Variants in SNRPD1 observed in about 807,000 individuals in gnomAD.
The protein encoded by SNRPD1 is small nuclear ribonucleoprotein Sm D1.
Under a neutral mutation model 14.4 loss-of-function variants are expected in SNRPD1, and 1 was observed. That is an observed-to-expected ratio of 0.07 (90% CI 0.02 to 0.33). The LOEUF (loss-of-function observed/expected upper bound fraction) is 0.33, where lower values mean the gene tolerates loss of function less well. Among genes scored for constraint, SNRPD1 ranks in the 10% least tolerant of loss-of-function variants. SNRPD1 has a pLI of 1.00. For synonymous variants in SNRPD1, 42 were observed against 50.3 expected (o/e 0.83, Z 0.70); for missense variants, 52 against 146.4 (o/e 0.36, Z 3.33).
At chr18:21,619,845 C>G (rs545194124) in intron 1 of SNRPD1, among the ~76,000 whole-genome samples, 1 of 152,302 alleles carries the variant, frequency 6.6e-6, no homozygotes, top group East Asian at 1.9e-4. Flanking sequence ...AGGGCAGTGA[C>G]ACAGTCATGG....
intron 3 of SNRPD1, among the ~76,000 whole-genome samples, chr18:21,627,204 GAT>G (rs1568126263): frequency 6.6e-6 from 1 of 152,020 alleles, no homozygotes; most frequent in African/African-American, 2.4e-5. Context: ...GAGAGGCGGA[GAT>G]TGCAGTGAGC....
Position 21,632,109 on chromosome 18 carries a change from G to C in SNRPD1, c.*2971G>C, listed in dbSNP as rs1420641136. Reference sequence around the variant, plus strand: ...GCAAGCAGCCTGGGTAACCTAGTGAGACCTGGCTCTTAAATTTAAAATTTA... The same window carrying C: ...GCAAGCAGCCTGGGTAACCTAGTGACACCTGGCTCTTAAATTTAAAATTTA... On this transcript the variant is annotated 3_prime_UTR_variant, in exon 4 of 4. Coordinates refer to ENST00000300413, the MANE Select transcript of SNRPD1 (RefSeq NM_006938.4). The C allele has an allele frequency of 6.6e-6, 1 of 152,076 alleles. No individual in the cohort carries two copies. Among genetic ancestry groups the C allele is most frequent in the African/African-American group, 2.4e-5 (1 of 41,410 alleles). The allele number at this position is 152,076 out of a possible 1,614,324, so 9.4% of individuals were successfully genotyped here.
intron 1 of SNRPD1, among the ~76,000 whole-genome samples, chr18:21,614,514 T>A (rs1318189739): frequency 6.6e-5 from 10 of 152,206 alleles, no homozygotes; most frequent in Admixed American, 6.6e-4. Flanking sequence ...AAAATGATTG[T>A]TTGACTAACT....
Position 21,623,913 on chromosome 18 carries a change from A to C in SNRPD1, c.257A>C (p.Lys86Thr), listed in dbSNP as rs1310311809. 6.3e-7 allele frequency: 1 copy of C among 1,597,518 alleles called. No homozygotes were observed. The highest frequency in any genetic ancestry group is 8.5e-7 in the Non-Finnish European group (1 of 1,175,024). ...LDTLLVDVEP[K>T]VKSKKREAVA... ...ACACTACTTGTGGATGTTGAACCTA[A>C]GGTGAAATCTAAGAAAAGGGAAGCT... The change falls in exon 3 of 4, where the codon AAG (lysine) becomes ACG (threonine). Residue 86 changes from lysine to threonine, a missense_variant. Physicochemically the swap from Lys to Thr is moderately conservative, Grantham distance 78 (BLOSUM62 -1). Transcript: ENST00000300413.
In SNRPD1 at chr18:21,628,911, A is replaced by G. The variant is rs566833304; in HGVS notation, c.284-151A>G. On this transcript the variant is annotated intron_variant, in intron 3 of 3. Transcript: ENST00000300413. ...GTGGAGGGAATCTGAAGTCTAACAC[A>G]TTTAACAGAAGCTAGTTAAACTTTA... is the stretch of plus-strand genomic sequence containing the variant. 1.5e-4 allele frequency: 105 copies of G among 697,758 alleles called. No individual in the cohort carries two copies. The East Asian group carries it at 2.5e-3, about 17-fold the overall frequency. The allele number at this position is 697,758 out of a possible 1,614,324, so 43.2% of individuals were successfully genotyped here. A position where few individuals can be genotyped will look rare whatever the true frequency, so the allele number is the denominator to read the frequency against.
chr18:21,628,817 TTGAAA>T (rs1287774643), intron 3 of SNRPD1, among the ~76,000 whole-genome samples: 3 of 151,756 alleles, frequency 2.0e-5, no homozygotes, highest in African/African-American at 7.3e-5. Context: ...AGTAAATAAA[TTGAAA>T]TGAAACAAAT....
intron 1 of SNRPD1, among the ~76,000 whole-genome samples, chr18:21,612,920 C>A (rs1459106255): frequency 6.6e-6 from 1 of 152,138 alleles, no homozygotes; most frequent in Admixed American, 6.5e-5. Flanking sequence ...CCAGGCTGGT[C>A]TCGAACTCCT....
At chr18:21,617,913 A>T (rs2038969243) in intron 1 of SNRPD1, among the ~76,000 whole-genome samples, 1 of 152,204 alleles carries the variant, frequency 6.6e-6, no homozygotes, top group South Asian at 2.1e-4. Flanking sequence ...CGGGAGACGG[A>T]GGTTGCAATG....
At chr18:21,616,983 G>T (rs2038962527) in intron 1 of SNRPD1, among the ~76,000 whole-genome samples, 1 of 152,058 alleles carries the variant, frequency 6.6e-6, no homozygotes, top group South Asian at 2.1e-4. Context: ...ACTGTGCCCA[G>T]CCTATATCTG....
rs1598496497 is a variant in SNRPD1, at chr18:21,632,623, G to C, written c.*3485G>C. 1 of 152,018 alleles carries C rather than the reference G, an allele frequency of 6.6e-6. No individual in the cohort carries two copies. The highest frequency in any genetic ancestry group is 2.4e-5 in the African/African-American group (1 of 41,474). The allele number at this position is 152,018 out of a possible 1,614,324, so 9.4% of individuals were successfully genotyped here. A position where few individuals can be genotyped will look rare whatever the true frequency, so the allele number is the denominator to read the frequency against. ...ATTTCCATGTGAAAGGGCTAAAATT[G>C]GGTGAAGAAAAAGCTATTTGAACTG... On this transcript the variant is annotated 3_prime_UTR_variant, in exon 4 of 4. Transcript: ENST00000300413.
intron 1 of SNRPD1, among the ~76,000 whole-genome samples, chr18:21,619,536 G>T (rs1445937409): frequency 6.7e-6 from 1 of 149,720 alleles, no homozygotes; most frequent in Non-Finnish European, 1.5e-5. Context: ...TGTAATCCCA[G>T]CACTTTGGGA....
chr18:21,626,986 A>T (rs2039044638), intron 3 of SNRPD1, among the ~76,000 whole-genome samples: 1 of 139,060 alleles, frequency 7.2e-6, no homozygotes, highest in Non-Finnish European at 1.6e-5. Flanking sequence ...TCTTTCTTTA[A>T]AAAAAAAAAA....
At chr18:21,612,479 A>AG in intron 1 of SNRPD1, 36 bp downstream of exon 1, 1 of 1,455,794 alleles carries the variant, frequency 6.9e-7, no homozygotes, top group South Asian at 1.4e-5. Flanking sequence ...GGGGCTGTGA[A>AG]GGGAGGGCTT....
intron 3 of SNRPD1, among the ~76,000 whole-genome samples, chr18:21,625,394 G>A (rs1175870592): frequency 7.3e-6 from 1 of 137,262 alleles, no homozygotes; most frequent in Non-Finnish European, 1.5e-5. Flanking sequence ...TCAGCTCACT[G>A]CAACCTCTGC....
chr18:21,619,505 C>A (rs1159850577), intron 1 of SNRPD1, among the ~76,000 whole-genome samples: 1 of 151,148 alleles, frequency 6.6e-6, no homozygotes, highest in African/African-American at 2.4e-5. Flanking sequence ...AAAAAAAGGG[C>A]CAGGCCTGGT....
intron 1 of SNRPD1, among the ~76,000 whole-genome samples, chr18:21,621,048 A>C (rs928129878): frequency 2.6e-5 from 4 of 151,874 alleles, no homozygotes; most frequent in African/African-American, 9.7e-5. Context: ...AGCGCCTGTA[A>C]TCCCAGCTAC....
At position 21,632,846 on chromosome 18, in the gene SNRPD1, TTTTCTTTTC is replaced by T. The variant is rs2146265223; in HGVS notation, c.*3712_*3720del. ...GTTTTTTTTCTTTTCTTTTCTTTTC[TTTTCTTTTC>T]TTTTTTTTTTTTTGAGACAGAGTCT... On this transcript the variant is annotated 3_prime_UTR_variant, in exon 4 of 4. Coordinates refer to ENST00000300413, the MANE Select transcript of SNRPD1 (RefSeq NM_006938.4). 6.5e-6 allele frequency: 1 copy of T among 153,410 alleles called. No individual in the cohort carries two copies. The highest frequency in any genetic ancestry group is 1.9e-4 in the East Asian group (1 of 5,332). 9.5% of individuals were successfully genotyped at this position (153,410 alleles called of 1,614,324 possible).
At chr18:21,624,707 T>C (rs868463510) in intron 3 of SNRPD1, among the ~76,000 whole-genome samples, 7 of 149,610 alleles carry the variant, frequency 4.7e-5, no homozygotes, top group Non-Finnish European at 1.0e-4. Context: ...AAAAAATATA[T>C]ATATATATAT....
At chr18:21,612,902 TTTG>T (rs1321653056) in intron 1 of SNRPD1, among the ~76,000 whole-genome samples, 2 of 152,142 alleles carry the variant, frequency 1.3e-5, no homozygotes, top group African/African-American at 4.8e-5. Context: ...GGTGTCTCAC[TTTG>T]TTGACCAGGC....
Sources: allele counts gnomAD v4.1 joint callset (sites outside exome capture counted in the v4.1 genomes callset), GRCh38; gene constraint gnomAD v4.1.1; transcripts MANE v1.5; gene names NCBI Gene and HGNC (gene_info 2026-07-23, HGNC 2026-07-21).